Variants in WDR31 observed in about 807,000 individuals in gnomAD.
WDR31 encodes WD repeat domain 31, also known as WD repeat-containing protein 31.
WDR31 carries 30 observed loss-of-function variants against 47.3 expected under a neutral mutation model. That is an observed-to-expected ratio of 0.63 (90% CI 0.47 to 0.86). The LOEUF (loss-of-function observed/expected upper bound fraction) is 0.86, where lower values mean the gene tolerates loss of function less well. Among genes scored for constraint, WDR31 ranks in the 40% least tolerant of loss-of-function variants. The pLI is 0.00. For synonymous variants in WDR31, 137 were observed against 159.4 expected (o/e 0.86, Z 1.06); for missense variants, 406 against 442.9 (o/e 0.92, Z 0.75).
rs554084096 is a variant in WDR31 at position 113,333,683 on chromosome 9, A to ATT, written c.-28-1635_-28-1634dup. ...GGCGTGAGCCACCGCGCCCGGCCGG[A>ATT]TTTTTTTTTTTTTAATAATTTCACT... On this transcript the variant is annotated intron_variant, in intron 2 of 10. Coordinates refer to ENST00000374193, the MANE Select transcript of WDR31 (RefSeq NM_001012361.4). 8.9e-5 allele frequency among the ~76,000 whole-genome samples: 13 copies of ATT among 145,478 alleles called. No individual in the cohort carries two copies. In the South Asian group the frequency reaches 1.3e-3, roughly 15 times the overall value.
In WDR31 at chr9:113,330,994, C is replaced by T. The variant is rs1173482678; in HGVS notation, c.239G>A (p.Gly80Glu). Reference sequence around the variant, plus strand: ...CACTGCAAACCCCACCTTATCTTTCCCTCCAGAGACACAAAGGTCTGAGTT... The same window carrying T: ...CACTGCAAACCCCACCTTATCTTTCTCTCCAGAGACACAAAGGTCTGAGTT... ...ALNSDLCVSGGKDKTVVAYNW... is the reference protein window; with the variant it reads ...ALNSDLCVSGEKDKTVVAYNW... Residue 80 changes from glycine to glutamate, a missense_variant, in exon 4 of 11, where the codon GGG becomes GAG. Physicochemically the swap from Gly to Glu is moderately conservative, Grantham distance 98. Coordinates refer to ENST00000374193, the MANE Select transcript of WDR31 (RefSeq NM_001012361.4). 6.2e-7 allele frequency: 1 copy of T among 1,606,446 alleles called. No homozygotes were observed. The highest frequency in any genetic ancestry group is 1.1e-5 in the South Asian group (1 of 90,318).
chr9:113,332,490 A>G (rs936476336), intron 2 of WDR31, among the ~76,000 whole-genome samples: 1 of 152,248 alleles, frequency 6.6e-6, no homozygotes, highest in South Asian at 2.1e-4. Context: ...ACTCGTACAT[A>G]CTACAACATG....
At chr9:113,322,982 G>C (rs1833362550) in intron 6 of WDR31, 29 bp downstream of exon 6, 1 of 1,613,848 alleles carries the variant, frequency 6.2e-7, no homozygotes, top group Non-Finnish European at 8.5e-7. Context: ...AAGCACAAAG[G>C]CATTGGGAAG....
At chr9:113,318,302 A>T (rs931704997) in intron 10 of WDR31, among the ~76,000 whole-genome samples, 173 bp downstream of exon 10, 1 of 152,262 alleles carries the variant, frequency 6.6e-6, no homozygotes, top group Non-Finnish European at 1.5e-5. Context: ...TCTATACAAC[A>T]TGGTACCAGG....
At position 113,315,383 on chromosome 9, in the gene WDR31, G is replaced by A. The variant is rs185419021; in HGVS notation, c.*1366C>T. The A allele has an allele frequency of 6.6e-6, 1 of 152,058 alleles. No individual in the cohort carries two copies. The highest frequency in any genetic ancestry group is 2.4e-5 in the African/African-American group (1 of 41,410). 9.4% of individuals were successfully genotyped at this position (152,058 alleles called of 1,614,324 possible). On this transcript the variant is annotated 3_prime_UTR_variant, in exon 11 of 11. Transcript: ENST00000374193. ...TCAGAGACAAGCAGAGGACAGAGAA[G>A]ACAAATGCAAAATCTTTCTTTGGCT...
intron 2 of WDR31, among the ~76,000 whole-genome samples, chr9:113,332,886 C>T (rs1370061049): frequency 2.0e-5 from 3 of 152,092 alleles, no homozygotes; most frequent in South Asian, 4.1e-4. Context: ...CCCACAAGAA[C>T]GAATTGTTTT....
chr9:113,335,656 C>G (rs908556286), intron 2 of WDR31, among the ~76,000 whole-genome samples: 2 of 152,126 alleles, frequency 1.3e-5, no homozygotes, highest in Non-Finnish European at 2.9e-5. Context: ...GAATTGACTT[C>G]CTGACGAGAA....
At chr9:113,328,609 A>G (rs951469851) in intron 5 of WDR31, among the ~76,000 whole-genome samples, 1 of 152,246 alleles carries the variant, frequency 6.6e-6, no homozygotes, top group South Asian at 2.1e-4. Flanking sequence ...TTGTTGAGTC[A>G]GGATAGGTCA....
At chr9:113,327,170 A>G (rs1833489468) in intron 5 of WDR31, among the ~76,000 whole-genome samples, 1 of 152,178 alleles carries the variant, frequency 6.6e-6, no homozygotes, top group Non-Finnish European at 1.5e-5. Context: ...TTCATAGAGT[A>G]CATGTTCTCT....
In WDR31 at chr9:113,316,858, G is replaced by C; in HGVS notation, c.995C>G (p.Ala332Gly). The C allele has an allele frequency of 6.2e-7, 1 of 1,614,168 alleles. No homozygotes were observed. The highest frequency in any genetic ancestry group is 8.5e-7 in the Non-Finnish European group (1 of 1,180,042). ...CAATAAGGAGATGGCGTCACCAACA[G>C]CCAGAGAAGTCAAGGGTCCTGATCC... ...LDGSGPLTSLAVGDAISLLCA... is the reference protein window; with the variant it reads ...LDGSGPLTSLGVGDAISLLCA... Residue 332 changes from alanine to glycine, a missense_variant, in exon 11 of 11, where the codon GCT (alanine) becomes GGT (glycine). Physicochemically the swap from Ala to Gly is moderately conservative, Grantham distance 60. Transcript: ENST00000374193.
intron 10 of WDR31, among the ~76,000 whole-genome samples, chr9:113,317,159 C>T (rs902278207): frequency 1.3e-5 from 2 of 152,104 alleles, no homozygotes; most frequent in Non-Finnish European, 2.9e-5. Context: ...GTCGGGGTCT[C>T]ACCGGCTAAA....
intron 2 of WDR31, among the ~76,000 whole-genome samples, chr9:113,335,720 A>G (rs1221808568): frequency 3.9e-5 from 6 of 152,222 alleles, no homozygotes; most frequent in Non-Finnish European, 8.8e-5. Context: ...GAGTGGCATC[A>G]AGAGGCCTAG....
Position 113,331,826 on chromosome 9 carries a change from G to A in WDR31, c.116+81C>T, listed in dbSNP as rs916207787. 13 of 1,321,272 alleles carry A rather than the reference G, an allele frequency of 9.8e-6. 1 individual carries two copies. The highest frequency in any genetic ancestry group is 5.8e-5 in the African/African-American group (4 of 68,404). 81.8% of individuals were successfully genotyped at this position (1,321,272 alleles called of 1,614,324 possible). ...TATTCAGGGAAGGCCATCAACATTC[G>A]CCCTGGGCCTTCTCTTTCTTCAGTG... On this transcript the variant is annotated intron_variant, in intron 3 of 10. Transcript: ENST00000374193.
intron 8 of WDR31, among the ~76,000 whole-genome samples, chr9:113,321,172 A>G (rs889945772): frequency 3.3e-5 from 5 of 152,248 alleles, no homozygotes; most frequent in Admixed American, 1.3e-4. Context: ...ATGCAGGGGT[A>G]GCAAGGAGAG....
At position 113,314,157 on chromosome 9, in the gene WDR31, C is replaced by CT. The variant is rs1833137234; in HGVS notation, c.*2591dup. On this transcript the variant is annotated 3_prime_UTR_variant, in exon 11 of 11. Coordinates refer to ENST00000374193, the MANE Select transcript of WDR31 (RefSeq NM_001012361.4). ...CCTGGGCGACAGAGCAAGATTCCAT[C>CT]TCAAAAAAAAAAAAAAAAAAAAGGA... The CT allele has an allele frequency of 1.7e-5, 1 of 57,432 alleles. No homozygotes were observed. Among genetic ancestry groups the CT allele is most frequent in the Non-Finnish European group, 3.4e-5 (1 of 29,424 alleles). 3.6% of individuals were successfully genotyped at this position (57,432 alleles called of 1,614,324 possible).
intron 5 of WDR31, among the ~76,000 whole-genome samples, chr9:113,328,548 C>G: frequency 6.6e-6 from 1 of 152,216 alleles, no homozygotes; most frequent in East Asian, 1.9e-4. Context: ...GATTTTGTCA[C>G]TTTCCTAGCT....
Position 113,319,178 on chromosome 9 carries a change from G to C in WDR31, c.781-541C>G, listed in dbSNP as rs115445429. Among the ~76,000 whole-genome samples, 458 of 152,358 alleles carry C rather than the reference G, an allele frequency of 3.0e-3. 4 individuals carry two copies. The highest frequency in any genetic ancestry group is 0.01 in the African/African-American group (427 of 41,574). ...TAGCGTCTACAAGAGGGAAGTGCCA[G>C]TCAGTGCTGCCAGTCCCACTCTCAT... is the stretch of plus-strand genomic sequence containing the variant. On this transcript the variant is annotated intron_variant, in intron 9 of 10. Coordinates refer to ENST00000374193, the MANE Select transcript of WDR31 (RefSeq NM_001012361.4).
rs777474894 is a variant in WDR31, at chr9:113,323,169, AAAC to A, written c.325-17_325-15del. 10 of 1,610,012 alleles carry A rather than the reference AAAC, an allele frequency of 6.2e-6. No homozygotes were observed. The highest frequency in any genetic ancestry group is 1.7e-5 in the Admixed American group (1 of 59,392). On this transcript the variant is annotated splice_polypyrimidine_tract_variant and intron_variant, in intron 5 of 10. Coordinates refer to ENST00000374193, the MANE Select transcript of WDR31 (RefSeq NM_001012361.4). ...AATACAGGCTACCTGCTCAGGGAAA[AAAC>A]AACAACACTGAAATAGCTCTGGTAT...
chr9:113,337,143 GACTA>G (rs1161958035), intron 1 of WDR31, among the ~76,000 whole-genome samples: 1 of 152,180 alleles, frequency 6.6e-6, no homozygotes, highest in Non-Finnish European at 1.5e-5. Flanking sequence ...CATTAGATAG[GACTA>G]GTTGTGAATT....
Sources: gnomAD v4.1 joint callset for allele counts (sites outside exome capture counted in the v4.1 genomes callset) on GRCh38, gnomAD v4.1.1 for gene constraint, MANE v1.5 for transcripts, NCBI Gene and HGNC (gene_info 2026-07-23, HGNC 2026-07-21) for gene names.